Variants in NOS2 observed in about 807,000 individuals in gnomAD.
NOS2 encodes nitric oxide synthase 2.
In NOS2, 96 loss-of-function variants were observed where a neutral mutation model predicts 136.0. The ratio of observed to expected loss-of-function variants is 0.71; its 90% CI spans 0.60 to 0.84. The LOEUF (loss-of-function observed/expected upper bound fraction) is 0.84, where lower values mean the gene tolerates loss of function less well. Ranked by LOEUF, NOS2 falls within the 40% of genes least tolerant of loss-of-function variation. The probability of loss-of-function intolerance (pLI) is 0.00; values close to 1 mark genes in which losing one functional copy is unlikely to be tolerated. For synonymous variants in NOS2, 539 were observed against 587.5 expected (o/e 0.92, Z 1.20); for missense variants, 1,237 against 1,496.9 (o/e 0.83, Z 2.87).
At position 27,788,937 on chromosome 17, in the gene NOS2, A is replaced by C. The variant is rs768958734; in HGVS notation, c.196-6T>G. 9 of 1,613,232 alleles carry C rather than the reference A, an allele frequency of 5.6e-6. No homozygotes were observed. Among genetic ancestry groups the C allele is most frequent in the African/African-American group, 2.7e-5 (2 of 74,916 alleles). Reference sequence around the variant, plus strand: ...ACCAGAGATTCTGGAGACTTCTGCAAGGGGAAAAAACAGGGTTTTCTCTCA... The same window carrying C: ...ACCAGAGATTCTGGAGACTTCTGCACGGGGAAAAAACAGGGTTTTCTCTCA... On this transcript the variant is annotated splice_polypyrimidine_tract_variant and splice_region_variant and intron_variant, in intron 3 of 26. Transcript: ENST00000313735.
intron 2 of NOS2, 73 bp from the exon 3 acceptor site, chr17:27,789,761 G>T: frequency 1.9e-6 from 2 of 1,049,874 alleles, no homozygotes; most frequent in Non-Finnish European, 1.5e-6. Context: ...CCCTCTGCCA[G>T]TAACCTCATT....
chr17:27,794,485 G>A (rs967003468), intron 2 of NOS2, among the ~76,000 whole-genome samples: 1 of 152,204 alleles, frequency 6.6e-6, no homozygotes, highest in Non-Finnish European at 1.5e-5. Flanking sequence ...AGATGGGGCA[G>A]CAGCCCTGGA....
chr17:27,762,361 C>T (rs76775657), intron 22 of NOS2, among the ~76,000 whole-genome samples: 3 of 152,302 alleles, frequency 2.0e-5, no homozygotes, highest in African/African-American at 7.2e-5. Flanking sequence ...ATCTCCCCTG[C>T]GTTCAGGCTG....
chr17:27,770,813 C>T (rs1908466573), intron 15 of NOS2, 100 bp downstream of exon 15: 2 of 818,616 alleles, frequency 2.4e-6, no homozygotes, highest in Non-Finnish European at 2.0e-6. Flanking sequence ...GCACTGACTC[C>T]CAAATGTCCT....
intron 5 of NOS2, 111 bp from the exon 6 acceptor site, chr17:27,783,217 C>A: frequency 8.2e-7 from 1 of 1,213,818 alleles, no homozygotes; most frequent in Non-Finnish European, 1.2e-6. Flanking sequence ...GGCAAGATGC[C>A]TCTCACCAGA....
intron 11 of NOS2, among the ~76,000 whole-genome samples, chr17:27,775,178 G>A (rs1408217596): frequency 2.6e-5 from 4 of 152,204 alleles, no homozygotes; most frequent in African/African-American, 4.8e-5. Flanking sequence ...TTCCTATAAT[G>A]GCCAGGTGCA....
At chr17:27,777,170 G>A (rs756206790) in intron 11 of NOS2, among the ~76,000 whole-genome samples, 3 of 152,194 alleles carry the variant, frequency 2.0e-5, no homozygotes, top group Non-Finnish European at 2.9e-5. Context: ...CCAGTCATGG[G>A]GAACAGTGTG....
chr17:27,791,857 G>A (rs759361760), intron 2 of NOS2, among the ~76,000 whole-genome samples: 95 of 151,480 alleles, frequency 6.3e-4, no homozygotes, highest in Middle Eastern at 6.8e-3. Context: ...AGCCATGGCT[G>A]AGCAGTCACC....
chr17:27,777,144 C>T (rs1908685454), intron 11 of NOS2, among the ~76,000 whole-genome samples: 1 of 152,238 alleles, frequency 6.6e-6, no homozygotes, highest in Non-Finnish European at 1.5e-5. Context: ...CAGGCCTGAT[C>T]TGCCTATGGG....
At chr17:27,763,391 T>G (rs1597544385) in intron 21 of NOS2, among the ~76,000 whole-genome samples, 1 of 152,228 alleles carries the variant, frequency 6.6e-6, no homozygotes, top group African/African-American at 2.4e-5. Flanking sequence ...GCCTGTCTTG[T>G]GGGGATGTTA....
At chr17:27,776,494 G>GA (rs902488066) in intron 11 of NOS2, among the ~76,000 whole-genome samples, 3 of 151,966 alleles carry the variant, frequency 2.0e-5, no homozygotes, top group African/African-American at 7.3e-5. Flanking sequence ...CCAACATGGT[G>GA]AAACCCTATC....
At chr17:27,795,426 T>G (rs1214842395) in intron 2 of NOS2, among the ~76,000 whole-genome samples, 1 of 152,234 alleles carries the variant, frequency 6.6e-6, no homozygotes, top group African/African-American at 2.4e-5. Flanking sequence ...TATCTATTGT[T>G]TTTAGCAGTG....
chr17:27,759,749 C>T (rs1423257171), intron 25 of NOS2, among the ~76,000 whole-genome samples: 1 of 152,140 alleles, frequency 6.6e-6, no homozygotes, highest in Non-Finnish European at 1.5e-5. Flanking sequence ...TCTCCCCGGG[C>T]AGTCGCGTGT....
chr17:27,789,557 C>G, intron 3 of NOS2, 47 bp downstream of exon 3: 1 of 1,435,128 alleles, frequency 7.0e-7, no homozygotes, highest in Non-Finnish European at 9.8e-7. Flanking sequence ...CTGCATCTGC[C>G]TGGACCAGGG....
In NOS2 at chr17:27,760,106, T is replaced by G. The variant is rs1908067544; in HGVS notation, c.3083A>C (p.Glu1028Ala). The G allele has an allele frequency of 6.2e-7, 1 of 1,606,480 alleles. No homozygotes were observed. The highest frequency in any genetic ancestry group is 1.3e-5 in the African/African-American group (1 of 74,494). Residue 1028 changes from glutamate to alanine, a missense_variant, in exon 25 of 27, where the codon GAG becomes GCG. Coordinates refer to ENST00000313735, the MANE Select transcript of NOS2 (RefSeq NM_000625.4). ...CCCCTTCTGGGCCATCTCCAGCATC[T>G]CCTCCTGGTAGATGTGGTCCTCATC... ...RPDEDHIYQE[E>A]MLEMAQKGVL...
At chr17:27,778,821 G>C (rs201709617) in intron 10 of NOS2, 30 bp from the exon 11 acceptor site, 1 of 1,612,948 alleles carries the variant, frequency 6.2e-7, no homozygotes, top group Non-Finnish European at 8.5e-7. Flanking sequence ...GCGGCGAGTC[G>C]GTCCCTGAAG....
chr17:27,786,246 C>A (rs1319427057), intron 5 of NOS2, among the ~76,000 whole-genome samples: 1 of 150,356 alleles, frequency 6.7e-6, no homozygotes. Context: ...CATGATGAAA[C>A]CCCATCTCAA....
intron 21 of NOS2, among the ~76,000 whole-genome samples, chr17:27,763,381 G>T (rs1364484205): frequency 1.3e-5 from 2 of 152,212 alleles, no homozygotes; most frequent in African/African-American, 2.4e-5. Flanking sequence ...GGACAGTATT[G>T]CCTGTCTTGT....
At chr17:27,761,298 C>CG in intron 22 of NOS2, 67 bp from the exon 23 acceptor site, 1 of 1,190,408 alleles carries the variant, frequency 8.4e-7, no homozygotes, top group Non-Finnish European at 1.1e-6. Context: ...CCAGCTGCTC[C>CG]GCCCACACCA....
Sources: allele counts gnomAD v4.1 joint callset (sites outside exome capture counted in the v4.1 genomes callset), GRCh38; gene constraint gnomAD v4.1.1; transcripts MANE v1.5; gene names NCBI Gene and HGNC (gene_info 2026-07-23, HGNC 2026-07-21).